Variants in DNAH3 observed in about 807,000 individuals in gnomAD.
The protein encoded by DNAH3 is dynein axonemal heavy chain 3.
DNAH3 carries 332 observed loss-of-function variants against 432.5 expected under a neutral mutation model. The ratio of observed to expected loss-of-function variants is 0.77; its 90% confidence interval spans 0.70 to 0.84. The LOEUF (loss-of-function observed/expected upper bound fraction) is 0.84. Among genes scored for constraint, DNAH3 ranks in the 40% least tolerant of loss-of-function variants. The pLI is 0.00. For missense variants in DNAH3, 4,861 were observed against 5,114.0 expected, an observed-to-expected ratio of 0.95 and a Z score of 1.51; for synonymous variants, 1,956 against 1,900.2, an observed-to-expected ratio of 1.03 and a Z score of -0.76.
At chr16:21,132,878 T>C (rs1262093916) in intron 7 of DNAH3, among the ~76,000 whole-genome samples, 1 of 151,044 alleles carries the variant, frequency 6.6e-6, no homozygotes, top group African/African-American at 2.4e-5. Flanking sequence ...GGGTGAATTT[T>C]ATGGAATGTG....
intron 26 of DNAH3, among the ~76,000 whole-genome samples, chr16:21,059,934 G>A (rs2090285518): frequency 6.6e-6 from 1 of 152,040 alleles, no homozygotes; most frequent in Non-Finnish European, 1.5e-5. Context: ...TGCCACTCAG[G>A]GCATCTGTAA....
At chr16:21,026,889 A>C (rs906748035) in intron 38 of DNAH3, 138 bp downstream of exon 38, 3 of 609,774 alleles carry the variant, frequency 4.9e-6, no homozygotes, top group Non-Finnish European at 8.5e-6. Flanking sequence ...CCTAAAATAA[A>C]AATTGGAAAG....
At chr16:21,062,543 A>G in exon 25 of DNAH3, 1 of 1,614,220 alleles carries the variant, frequency 6.2e-7, no homozygotes, top group South Asian at 1.1e-5. Context: ...CGAGCTGATC[A>G]TGCCCACAAT....
intron 18 of DNAH3, among the ~76,000 whole-genome samples, chr16:21,087,775 G>A (rs1333749374): frequency 1.3e-5 from 2 of 152,074 alleles, no homozygotes; most frequent in African/African-American, 4.8e-5. Flanking sequence ...GGCATGCTCT[G>A]TAGTCCCAGC....
intron 48 of DNAH3, among the ~76,000 whole-genome samples, chr16:20,983,329 T>G (rs943393628): frequency 2.6e-5 from 4 of 152,086 alleles, no homozygotes; most frequent in Non-Finnish European, 4.4e-5. Context: ...TTTCACCATT[T>G]TGGCCAGGCT....
At chr16:21,135,973 G>A (rs1177977081) in intron 6 of DNAH3, among the ~76,000 whole-genome samples, 1 of 152,160 alleles carries the variant, frequency 6.6e-6, no homozygotes, top group African/African-American at 2.4e-5. Flanking sequence ...AAGATCTGCA[G>A]GTTACAGGGA....
intron 33 of DNAH3, 68 bp downstream of exon 33, chr16:21,039,766 CAATGGGCAAACCACCTTG>C: frequency 9.9e-7 from 1 of 1,009,584 alleles, no homozygotes. Context: ...TCTCTTCTTC[CAATGGGCAAACCACCTTG>C]AATCTGCCAC....
exon 56 of DNAH3, chr16:20,952,496 G>C: frequency 6.2e-7 from 1 of 1,613,460 alleles, no homozygotes; most frequent in Middle Eastern, 1.7e-4. Flanking sequence ...ATCTGGATCT[G>C]CCACATACTA....
rs539288270 is a variant in DNAH3 at position 21,106,619 on chromosome 16, T to C, written c.2155A>G (p.Thr719Ala). 6 of 1,609,288 alleles carry C rather than the reference T, an allele frequency of 3.7e-6. No homozygotes were observed. In the East Asian group the frequency reaches 8.9e-5, roughly 24 times the overall value. The change falls in exon 15 of 62, where the codon ACT becomes GCT. Residue 719 changes from threonine to alanine, a missense_variant. By Grantham distance (58) the Thr-to-Ala change is moderately conservative (BLOSUM62 0). Coordinates refer to ENST00000261383, the Ensembl canonical transcript of DNAH3. The stretch of plus-strand genomic sequence containing the variant: ...TCAATGAGGGATACCAGCTCCTTAG[T>C]GTTGGCAGGAACCTCACTGACTTTG...
intron 19 of DNAH3, among the ~76,000 whole-genome samples, chr16:21,084,850 G>A (rs992266455): frequency 7.9e-5 from 12 of 152,026 alleles, no homozygotes; most frequent in African/African-American, 1.2e-4. Flanking sequence ...TGGCTTTCCC[G>A]GCCCCGCGGC....
chr16:21,115,902 T>C (rs950147575), intron 12 of DNAH3, among the ~76,000 whole-genome samples: 4 of 152,088 alleles, frequency 2.6e-5, no homozygotes, highest in African/African-American at 9.7e-5. Context: ...TTGACTAGGT[T>C]AGCAGTTGTT....
intron 48 of DNAH3, among the ~76,000 whole-genome samples, chr16:20,984,115 T>TA (rs2086062571): frequency 6.6e-6 from 1 of 151,930 alleles, no homozygotes; most frequent in Non-Finnish European, 1.5e-5. Context: ...CAGGTGGCCT[T>TA]ATGGCATTAT....
chr16:20,990,365 A>G (rs896552277), intron 44 of DNAH3, among the ~76,000 whole-genome samples: 2 of 152,044 alleles, frequency 1.3e-5, no homozygotes, highest in African/African-American at 4.8e-5. Context: ...ATTTATTTAT[A>G]TAGATATATA....
At chr16:21,013,732 A>C (rs1000278812) in intron 41 of DNAH3, among the ~76,000 whole-genome samples, 1 of 151,342 alleles carries the variant, frequency 6.6e-6, no homozygotes, top group Non-Finnish European at 1.5e-5. Context: ...AAAAAAAAAA[A>C]AAAAAAAACT....
intron 58 of DNAH3, 25 bp downstream of exon 58, chr16:20,944,471 A>T: frequency 1.2e-6 from 2 of 1,613,330 alleles, no homozygotes; most frequent in Non-Finnish European, 8.5e-7. Context: ...AATAGGATTA[A>T]GCCCCCTTTC....
exon 44 of DNAH3, chr16:20,997,371 G>C (rs748588875): frequency 6.2e-7 from 1 of 1,614,122 alleles, no homozygotes; most frequent in East Asian, 2.2e-5. Flanking sequence ...TGTCTTTTTT[G>C]TCAAACCAGT....
chr16:21,028,228 G>A (rs1441051780), intron 37 of DNAH3, among the ~76,000 whole-genome samples: 1 of 151,644 alleles, frequency 6.6e-6, no homozygotes, highest in African/African-American at 2.4e-5. Context: ...TTTTTTTGTA[G>A]AGACAGGATC....
chr16:20,991,020 C>CAAA (rs997758150), intron 44 of DNAH3, among the ~76,000 whole-genome samples: 7 of 151,672 alleles, frequency 4.6e-5, no homozygotes, highest in Non-Finnish European at 1.0e-4. Context: ...GACTCTGTCT[C>CAAA]AAAACAAACA....
At chr16:21,158,956 C>A (rs2092926335) in intron 1 of DNAH3, among the ~76,000 whole-genome samples, 1 of 151,960 alleles carries the variant, frequency 6.6e-6, no homozygotes, top group Non-Finnish European at 1.5e-5. Flanking sequence ...CGAGGAGACA[C>A]GATTCCTCCC....
Sources: allele counts gnomAD v4.1 joint callset (sites outside exome capture counted in the v4.1 genomes callset), GRCh38; gene constraint gnomAD v4.1.1; transcripts MANE v1.5; gene names NCBI Gene and HGNC (gene_info 2026-07-23, HGNC 2026-07-21).